Variants in PNPT1 observed in about 807,000 individuals in gnomAD.
PNPT1 encodes the protein polyribonucleotide nucleotidyltransferase 1, also known as polyribonucleotide nucleotidyltransferase 1, mitochondrial.
Under a neutral mutation model 119.5 loss-of-function variants are expected in PNPT1, and 53 were observed. That is an observed-to-expected ratio of 0.44 (90% CI 0.36 to 0.56). The LOEUF (loss-of-function observed/expected upper bound fraction) is 0.56. PNPT1 is among the 20% of genes least tolerant of loss of function. PNPT1 has a pLI of 0.00. For missense variants in PNPT1, 948 were observed against 938.5 expected (o/e 1.01, Z -0.13); for synonymous variants, 357 against 322.1 (o/e 1.11, Z -1.16).
chr2:55,677,316 G>C (rs1011281446), intron 8 of PNPT1, among the ~76,000 whole-genome samples: 14 of 152,208 alleles, frequency 9.2e-5, no homozygotes, highest in African/African-American at 3.1e-4. Context: ...TGGTTCTGCT[G>C]GGTGCAGTGG....
At chr2:55,668,305 T>C (rs183912922) in intron 11 of PNPT1, among the ~76,000 whole-genome samples, 113 of 152,278 alleles carry the variant, frequency 7.4e-4, no homozygotes, top group Middle Eastern at 3.4e-3. Context: ...GCCGCAATCT[T>C]GGCTCACTGC....
chr2:55,672,119 C>A, intron 9 of PNPT1, 73 bp from the exon 10 acceptor site: 2 of 1,128,376 alleles, frequency 1.8e-6, no homozygotes, highest in Non-Finnish European at 2.6e-6. Context: ...ATAAACAAAA[C>A]TGAAATATTT....
chr2:55,667,494 T>G (rs1696770468), intron 12 of PNPT1, among the ~76,000 whole-genome samples: 1 of 151,618 alleles, frequency 6.6e-6, no homozygotes, highest in African/African-American at 2.4e-5. Context: ...CTCGGGAGGC[T>G]GAGGCAGGAG....
At chr2:55,656,064 G>T in intron 17 of PNPT1, 67 bp downstream of exon 17, 1 of 1,528,936 alleles carries the variant, frequency 6.5e-7, no homozygotes, top group Non-Finnish European at 8.8e-7. Context: ...CATTACATTT[G>T]AAAACTTAAT....
chr2:55,659,711 TATC>T (rs1696502244), intron 15 of PNPT1, among the ~76,000 whole-genome samples: 1 of 152,060 alleles, frequency 6.6e-6, no homozygotes, highest in African/African-American at 2.4e-5. Flanking sequence ...TCTCTCTACT[TATC>T]ATTCTACACA....
rs190658831 is a variant in PNPT1, at chr2:55,679,801, A to G, written c.566-6T>C. Reference sequence around the variant, plus strand: ...TATTCCTATTCGTACTGCCCCTAAAATGTATTAGAATATTGGCAACTGTTT... The same window carrying G: ...TATTCCTATTCGTACTGCCCCTAAAGTGTATTAGAATATTGGCAACTGTTT... On this transcript the variant is annotated splice_region_variant and splice_polypyrimidine_tract_variant and intron_variant, in intron 7 of 27. Coordinates refer to ENST00000447944, the MANE Select transcript of PNPT1 (RefSeq NM_033109.5). 772 of 1,572,676 alleles carry G rather than the reference A, an allele frequency of 4.9e-4. 4 individuals carry two copies. The African/African-American group carries it at 9.0e-3, about 18-fold the overall frequency.
At chr2:55,647,799 A>G (rs970509355) in intron 18 of PNPT1, among the ~76,000 whole-genome samples, 2 of 152,178 alleles carry the variant, frequency 1.3e-5, no homozygotes, top group African/African-American at 4.8e-5. Context: ...CTGGGATTAC[A>G]AGCGTGAGCC....
At chr2:55,680,610 G>T in intron 7 of PNPT1, 102 bp downstream of exon 7, 1 of 1,041,246 alleles carries the variant, frequency 9.6e-7, no homozygotes, top group Non-Finnish European at 1.4e-6. Context: ...TTCATGAAGA[G>T]GTAATAAATC....
chr2:55,680,720 C>A lies in PNPT1; in HGVS notation c.557G>T (p.Gly186Val). 6.2e-7 allele frequency: 1 copy of A among 1,612,954 alleles called. No homozygotes were observed. Among genetic ancestry groups the A allele is most frequent in the South Asian group, 1.1e-5 (1 of 90,790 alleles). ...ALSLSDIPWN[G>V]PVGAVRIGII... ...TTTAAATCCTAACTTACCAACAGGT[C>A]CATTCCAAGGAATATCTGATAATGA... The change falls in exon 7 of 28, where the codon GGA (glycine) becomes GTA (valine). Residue 186 changes from glycine (G) to valine (V), a missense_variant. Transcript: ENST00000447944.
intron 14 of PNPT1, among the ~76,000 whole-genome samples, 199 bp from the exon 15 acceptor site, chr2:55,660,392 G>C (rs1696527866): frequency 6.6e-6 from 1 of 152,140 alleles, no homozygotes; most frequent in Non-Finnish European, 1.5e-5. Flanking sequence ...TGAATGAATT[G>C]TACAGATTTA....
At position 55,662,038 on chromosome 2, in the gene PNPT1, A is replaced by G; in HGVS notation, c.1177-12T>C. The G allele has an allele frequency of 6.5e-7, 1 of 1,549,978 alleles. No homozygotes were observed. The highest frequency in any genetic ancestry group is 8.7e-7 in the Non-Finnish European group (1 of 1,155,886). ...ACGGTACAAAGCACCTAAAAAAGAA[A>G]AAGAATTCCTCAGGCTTTAATATAC... On this transcript the variant is annotated splice_polypyrimidine_tract_variant and intron_variant, in intron 13 of 27. Coordinates refer to ENST00000447944, the MANE Select transcript of PNPT1 (RefSeq NM_033109.5).
intron 13 of PNPT1, among the ~76,000 whole-genome samples, chr2:55,663,823 CA>C (rs1247445562): frequency 6.8e-5 from 10 of 147,642 alleles, no homozygotes; most frequent in Non-Finnish European, 6.0e-5. Flanking sequence ...CTAAAAAATA[CA>C]AAAAAAAAAT....
intron 19 of PNPT1, among the ~76,000 whole-genome samples, chr2:55,647,040 T>C (rs1052892386): frequency 5.9e-5 from 9 of 152,090 alleles, no homozygotes; most frequent in Non-Finnish European, 1.3e-4. Context: ...TTTTGCCACA[T>C]TAGCCAGACT....
intron 19 of PNPT1, among the ~76,000 whole-genome samples, chr2:55,647,072 C>T (rs1467557059): frequency 6.6e-6 from 1 of 152,020 alleles, no homozygotes; most frequent in Non-Finnish European, 1.5e-5. Context: ...CCTGACTTCC[C>T]AAAGTGCTGG....
intron 3 of PNPT1, 116 bp from the exon 4 acceptor site, chr2:55,685,164 A>G (rs1233601556): frequency 1.6e-6 from 1 of 631,506 alleles, no homozygotes; most frequent in Non-Finnish European, 2.4e-6. Flanking sequence ...AGAGTAGAAA[A>G]TGTTATTTAC....
intron 11 of PNPT1, among the ~76,000 whole-genome samples, chr2:55,670,119 CA>C (rs1273531839): frequency 6.6e-6 from 1 of 151,496 alleles, no homozygotes; most frequent in Non-Finnish European, 1.5e-5. Context: ...GAAAAATTAA[CA>C]AAAACTATGT....
chr2:55,642,010 T>G (rs948769132), intron 25 of PNPT1, among the ~76,000 whole-genome samples: 2 of 152,052 alleles, frequency 1.3e-5, no homozygotes, highest in African/African-American at 4.8e-5. Flanking sequence ...CCTGGCTAAC[T>G]TTTGTATTTT....
intron 1 of PNPT1, among the ~76,000 whole-genome samples, chr2:55,693,389 G>A (rs1051013899): frequency 6.6e-6 from 1 of 152,106 alleles, no homozygotes; most frequent in African/African-American, 2.4e-5. Flanking sequence ...CAGTGGTCCC[G>A]GAAAGTAAAG....
Position 55,660,181 on chromosome 2 carries a change from A to T in PNPT1, c.1260T>A (p.Asp420Glu). 1 of 1,591,634 alleles carries T rather than the reference A, an allele frequency of 6.3e-7. No homozygotes were observed. Among genetic ancestry groups the T allele is most frequent in the Non-Finnish European group, 8.5e-7 (1 of 1,169,596 alleles). ...QVITAINGIK[D>E]KNFMLHYEFP... ...CCTCGTAGTGCAGCATGAAATTTTT[A>T]TCTTTTATCCCACTAAAAATAAAAG... Residue 420 changes from aspartate (D) to glutamate (E), a missense_variant, in exon 15 of 28, where the codon GAT becomes GAA. By Grantham distance (45) the Asp-to-Glu change is conservative. Transcript: ENST00000447944.
Sources: allele counts gnomAD v4.1 joint callset (sites outside exome capture counted in the v4.1 genomes callset), GRCh38; gene constraint gnomAD v4.1.1; transcripts MANE v1.5; gene names NCBI Gene and HGNC (gene_info 2026-07-23, HGNC 2026-07-21).